Variants in EPS8 observed in about 807,000 individuals in gnomAD.
EPS8 encodes the protein EGFR pathway substrate 8, signaling adaptor.
Under a neutral mutation model 103.8 loss-of-function variants are expected in EPS8, and 42 were observed. The observed-to-expected ratio is 0.40, with a 90% CI of 0.32 to 0.52. The LOEUF (loss-of-function observed/expected upper bound fraction) is 0.52, where lower values mean the gene tolerates loss of function less well. EPS8 is among the 20% of genes least tolerant of loss of function. EPS8 has a pLI of 0.40. For synonymous variants in EPS8, 344 were observed against 344.6 expected, an observed-to-expected ratio of 1.00 and a Z score of 0.02; for missense variants, 969 against 1,005.1, an observed-to-expected ratio of 0.96 and a Z score of 0.49.
At chr12:15,644,992 T>C (rs1945296508) in intron 15 of EPS8, among the ~76,000 whole-genome samples, 1 of 152,142 alleles carries the variant, frequency 6.6e-6, no homozygotes, top group Admixed American at 6.5e-5. Context: ...ATATAAAATC[T>C]ACCCACCACT....
intron 18 of EPS8, among the ~76,000 whole-genome samples, chr12:15,627,933 T>C (rs568523306): frequency 6.6e-6 from 1 of 152,326 alleles, no homozygotes; most frequent in East Asian, 1.9e-4. Context: ...CAATGTTCTA[T>C]GATTTTTCCC....
chr12:15,642,941 A>T (rs7298648), intron 15 of EPS8, among the ~76,000 whole-genome samples: 3 of 152,070 alleles, frequency 2.0e-5, no homozygotes, highest in African/African-American at 4.8e-5. Flanking sequence ...TAAGCATGTA[A>T]GAACAGCTTA....
At chr12:15,682,538 C>T (rs1202845663) in intron 2 of EPS8, among the ~76,000 whole-genome samples, 1 of 151,996 alleles carries the variant, frequency 6.6e-6, no homozygotes, top group African/African-American at 2.4e-5. Context: ...TTCTCAAATG[C>T]CAATATTTTA....
chr12:15,765,970 T>C (rs1947090707), intron 1 of EPS8, among the ~76,000 whole-genome samples: 1 of 151,334 alleles, frequency 6.6e-6, no homozygotes, highest in African/African-American at 2.4e-5. Flanking sequence ...CGTGCCACCA[T>C]ACCCAGCTAA....
At chr12:15,765,730 A>C (rs1947086622) in intron 1 of EPS8, among the ~76,000 whole-genome samples, 1 of 152,258 alleles carries the variant, frequency 6.6e-6, no homozygotes, top group Non-Finnish European at 1.5e-5. Context: ...AGGGAGTTAA[A>C]GGAATTACAA....
chr12:15,640,867 A>C, intron 16 of EPS8, 21 bp from the exon 17 acceptor site: 1 of 1,610,226 alleles, frequency 6.2e-7, no homozygotes, highest in Admixed American at 1.7e-5. Context: ...CAAGAAAATA[A>C]AGGTATAATT....
rs756478345 is a variant in EPS8 at position 15,624,249 on chromosome 12, G to C, written c.2203C>G (p.Gln735Glu). 2 of 1,613,622 alleles carry C rather than the reference G, an allele frequency of 1.2e-6. No individual in the cohort carries two copies. The highest frequency in any genetic ancestry group is 1.1e-5 in the South Asian group (1 of 91,050). The stretch of plus-strand genomic sequence containing the variant: ...CACACAGGGTTGAATCCCTTTGACT[G>C]TAACCACGTCTTCACATCCTCTGGT... ...STPEDVKTWLQSKGFNPVTVN... is the reference protein window; with the variant it reads ...STPEDVKTWLESKGFNPVTVN... Residue 735 changes from glutamine to glutamate, a missense_variant, in exon 19 of 21, where the codon CAG (glutamine) becomes GAG (glutamate). Physicochemically the swap from Gln to Glu is conservative, Grantham distance 29. Coordinates refer to ENST00000281172, the MANE Select transcript of EPS8 (RefSeq NM_004447.6).
At chr12:15,632,437 G>T (rs1184623842) in intron 17 of EPS8, among the ~76,000 whole-genome samples, 1 of 152,118 alleles carries the variant, frequency 6.6e-6, no homozygotes, top group Non-Finnish European at 1.5e-5. Flanking sequence ...ACACATAATA[G>T]TTAACACTTT....
chr12:15,758,283 G>C (rs1245280065), intron 1 of EPS8, among the ~76,000 whole-genome samples: 1 of 152,212 alleles, frequency 6.6e-6, no homozygotes, highest in Non-Finnish European at 1.5e-5. Context: ...AGTTTTGAAA[G>C]ATACAATCTG....
At chr12:15,689,680 G>A (rs141407886) in intron 1 of EPS8, among the ~76,000 whole-genome samples, 388 of 152,180 alleles carry the variant, frequency 2.5e-3, no homozygotes, top group African/African-American at 9.1e-3. Flanking sequence ...TTTGAAATAC[G>A]CAAAACATTA....
In EPS8 at chr12:15,735,392, A is replaced by C. The variant is rs1010927265; in HGVS notation, c.-21-52420T>G. ...GATTCAAAATTATATAGATGGAAAA[A>C]ATGAAGAGGAAAGAGATCATGAAGG... On this transcript the variant is annotated intron_variant, in intron 1 of 20. Transcript: ENST00000281172. This position sits in a 1 kb window ranked among gnomAD's most constrained non-coding sequence, Gnocchi z 4.4. Among the ~76,000 whole-genome samples, 2 of 152,164 alleles carry C rather than the reference A, an allele frequency of 1.3e-5. No homozygotes were observed. Among genetic ancestry groups the C allele is most frequent in the East Asian group, 3.9e-4 (2 of 5,188 alleles).
rs538006659 is a variant in EPS8 at position 15,656,359 on chromosome 12, A to T, written c.1101+1720T>A. 3.7e-4 allele frequency among the ~76,000 whole-genome samples: 56 copies of T among 152,356 alleles called. No homozygotes were observed. The South Asian group carries it at 8.3e-3, about 23-fold the overall frequency. On this transcript the variant is annotated intron_variant, in intron 12 of 20. Transcript: ENST00000281172. ...GAGCAAGAATTATTCAGAAATAATTAGGCAAGTAGAAATCTGATGCTCCAT... is the reference window on the plus strand; with the variant it reads ...GAGCAAGAATTATTCAGAAATAATTTGGCAAGTAGAAATCTGATGCTCCAT...
chr12:15,673,760 G>A (rs1449925243), intron 3 of EPS8, among the ~76,000 whole-genome samples: 1 of 152,198 alleles, frequency 6.6e-6, no homozygotes, highest in African/African-American at 2.4e-5. Context: ...AAACATGGCA[G>A]TAGGGTTTTA....
rs1946596102 is a variant in EPS8 at position 15,721,579 on chromosome 12, A to T, written c.-21-38607T>A. On this transcript the variant is annotated intron_variant, in intron 1 of 20. Coordinates refer to ENST00000281172, the MANE Select transcript of EPS8 (RefSeq NM_004447.6). This position sits in a 1 kb window ranked among gnomAD's most constrained non-coding sequence, Gnocchi z 4.4. ...CCAGTTAGAAGGCACACTGCTCTAC[A>T]TCTCAGCCCATCAGTTTTCCTTCTT... 6.6e-6 allele frequency among the ~76,000 whole-genome samples: 1 copy of T among 152,194 alleles called. No individual in the cohort carries two copies. The highest frequency in any genetic ancestry group is 2.4e-5 in the African/African-American group (1 of 41,454).
intron 17 of EPS8, chr12:15,634,866 A>C (rs955295149): frequency 6.3e-5 from 25 of 395,460 alleles, no homozygotes; most frequent in Middle Eastern, 6.4e-4. Flanking sequence ...AGAAAGAGTA[A>C]ATTAGCCTGA....
chr12:15,633,758 A>G (rs752689566), intron 17 of EPS8, among the ~76,000 whole-genome samples: 1 of 152,092 alleles, frequency 6.6e-6, no homozygotes, highest in Non-Finnish European at 1.5e-5. Context: ...CATGTTTCCA[A>G]CCTCTGACAT....
chr12:15,687,131 T>A (rs527413049), intron 1 of EPS8, among the ~76,000 whole-genome samples: 48 of 152,062 alleles, frequency 3.2e-4, no homozygotes, highest in African/African-American at 1.2e-3. Flanking sequence ...AAAAAAAAAA[T>A]CTTCTTTAAA....
chr12:15,766,066 G>A (rs1456244299), intron 1 of EPS8, among the ~76,000 whole-genome samples: 2 of 151,168 alleles, frequency 1.3e-5, no homozygotes, highest in African/African-American at 2.4e-5. Flanking sequence ...CGCCTGCCTC[G>A]GCCTCCCAAA....
chr12:15,774,676 T>G (rs1420820534), intron 1 of EPS8, among the ~76,000 whole-genome samples: 1 of 147,466 alleles, frequency 6.8e-6, no homozygotes, highest in African/African-American at 2.5e-5. Flanking sequence ...ATATATATAT[T>G]TTAAACATAT....
Sources: allele counts gnomAD v4.1 joint callset (sites outside exome capture counted in the v4.1 genomes callset), GRCh38; gene constraint gnomAD v4.1.1; non-coding constraint Gnocchi (gnomAD v3.1); transcripts MANE v1.5; gene names NCBI Gene and HGNC (gene_info 2026-07-23, HGNC 2026-07-21).